Variants in ADAMTS18 observed in about 807,000 individuals in gnomAD.
The protein encoded by ADAMTS18 is A disintegrin and metalloproteinase with thrombospondin motifs 18.
A neutral mutation model predicts 165.9 loss-of-function variants in ADAMTS18; 157 were observed. The observed-to-expected ratio is 0.95, with a 90% confidence interval of 0.83 to 1.08. ADAMTS18 has a LOEUF of 1.08. Ranked by LOEUF, ADAMTS18 falls within the 50% of genes least tolerant of loss-of-function variation. ADAMTS18 has a pLI of 0.00. For synonymous variants in ADAMTS18, 782 were observed against 578.2 expected, an observed-to-expected ratio of 1.35 and a Z score of -5.06; for missense variants, 2,040 against 1,534.0, an observed-to-expected ratio of 1.33 and a Z score of -5.51.
chr16:77,402,460 G>A lies in ADAMTS18; in HGVS notation c.495+28835C>T, dbSNP rs548944127. ...ATAGAGAGGGCTTTTCCAGGCTCCT[G>A]CAAATCCCTGGGTGGGGCCTGGAGC... On this transcript the variant is annotated intron_variant, in intron 3 of 22. Coordinates refer to ENST00000282849, the MANE Select transcript of ADAMTS18 (RefSeq NM_199355.4). 5.3e-5 allele frequency among the ~76,000 whole-genome samples: 8 copies of A among 152,250 alleles called. No homozygotes were observed. In the East Asian group the frequency reaches 1.4e-3, roughly 26 times the overall value.
chr16:77,431,645 G>C, intron 2 of ADAMTS18, 34 bp from the exon 3 acceptor site: 1 of 1,609,152 alleles, frequency 6.2e-7, no homozygotes. Flanking sequence ...TCAGCACCCA[G>C]AGCCCACAAT....
At chr16:77,313,078 A>G (rs1359066119) in intron 16 of ADAMTS18, among the ~76,000 whole-genome samples, 3 of 151,416 alleles carry the variant, frequency 2.0e-5, no homozygotes, top group Non-Finnish European at 4.4e-5. Context: ...GATTAAGAAA[A>G]TGTGGCACAT....
At chr16:77,320,971 T>C in intron 15 of ADAMTS18, 108 bp downstream of exon 15, 2 of 1,350,332 alleles carry the variant, frequency 1.5e-6, no homozygotes, top group Admixed American at 1.7e-5. Context: ...CCATCACTAG[T>C]GTGTCCAGTG....
At chr16:77,294,489 T>A (rs995713434) in intron 19 of ADAMTS18, among the ~76,000 whole-genome samples, 4 of 152,242 alleles carry the variant, frequency 2.6e-5, no homozygotes, top group South Asian at 2.1e-4. Context: ...ACTGGGAATT[T>A]GTGACCATAG....
At chr16:77,345,151 G>A (rs1392533894) in intron 10 of ADAMTS18, among the ~76,000 whole-genome samples, 1 of 152,140 alleles carries the variant, frequency 6.6e-6, no homozygotes, top group Non-Finnish European at 1.5e-5. Flanking sequence ...TCCTCCAGTT[G>A]TATTCTATAG....
chr16:77,299,974 G>A (rs1259825229), intron 17 of ADAMTS18: 2 of 245,716 alleles, frequency 8.1e-6, no homozygotes, highest in Non-Finnish European at 8.0e-6. Context: ...ATATAAATAT[G>A]CTTCTATTTG....
chr16:77,325,672 TAG>T (rs1491285430), intron 13 of ADAMTS18, among the ~76,000 whole-genome samples, 192 bp downstream of exon 13: 2 of 115,506 alleles, frequency 1.7e-5, no homozygotes, highest in South Asian at 2.9e-4. Context: ...AGGTATCTTA[TAG>T]GGGGAAAAAA....
chr16:77,294,453 T>A (rs149009337), intron 19 of ADAMTS18, among the ~76,000 whole-genome samples: 44 of 152,300 alleles, frequency 2.9e-4, no homozygotes, highest in African/African-American at 1.0e-3. Flanking sequence ...CTCTGTCCCT[T>A]CTAACTTTAA....
chr16:77,361,342 T>C (rs2056710275), intron 7 of ADAMTS18, among the ~76,000 whole-genome samples: 1 of 152,168 alleles, frequency 6.6e-6, no homozygotes, highest in Non-Finnish European at 1.5e-5. Flanking sequence ...TACTAGAATA[T>C]AGTATAGATA....
intron 3 of ADAMTS18, among the ~76,000 whole-genome samples, chr16:77,376,679 A>G (rs1341123877): frequency 6.6e-6 from 1 of 152,188 alleles, no homozygotes; most frequent in African/African-American, 2.4e-5. Context: ...TAAAAATTAA[A>G]TTGATTCTGA....
At chr16:77,284,203 G>T in intron 22 of ADAMTS18, 132 bp from the exon 23 acceptor site, 1 of 638,018 alleles carries the variant, frequency 1.6e-6, no homozygotes, top group Non-Finnish European at 2.8e-6. Context: ...TCCGCTCACT[G>T]CAATCTCTGC....
intron 19 of ADAMTS18, 99 bp from the exon 20 acceptor site, chr16:77,293,357 G>A: frequency 1.8e-6 from 2 of 1,091,752 alleles, no homozygotes; most frequent in Non-Finnish European, 2.7e-6. Flanking sequence ...GTGAAAGGTG[G>A]GATAAACTCC....
At chr16:77,318,908 T>A (rs2144634538) in intron 16 of ADAMTS18, among the ~76,000 whole-genome samples, 1 of 152,230 alleles carries the variant, frequency 6.6e-6, no homozygotes, top group East Asian at 1.9e-4. Flanking sequence ...CTGAAGCAAA[T>A]CGCTTGCTTG....
chr16:77,303,986 C>T (rs766982739), intron 16 of ADAMTS18, among the ~76,000 whole-genome samples: 13 of 152,092 alleles, frequency 8.5e-5, no homozygotes, highest in Non-Finnish European at 1.5e-4. Context: ...GCCGAGATCA[C>T]GCAACTGCCC....
intron 3 of ADAMTS18, among the ~76,000 whole-genome samples, chr16:77,426,586 G>T (rs1208971095): frequency 2.6e-5 from 4 of 152,322 alleles, no homozygotes; most frequent in East Asian, 1.9e-4. Context: ...AATAGCAGTT[G>T]CCAGGTCTAA....
intron 22 of ADAMTS18, among the ~76,000 whole-genome samples, chr16:77,285,283 C>A (rs1045260358): frequency 7.2e-5 from 11 of 152,182 alleles, no homozygotes; most frequent in African/African-American, 2.7e-4. Flanking sequence ...AATGGTTCTC[C>A]TGCGTAAGCC....
At chr16:77,337,923 G>A (rs1008073654) in intron 11 of ADAMTS18, among the ~76,000 whole-genome samples, 1 of 66,230 alleles carries the variant, frequency 1.5e-5, no homozygotes, top group Non-Finnish European at 3.2e-5. Flanking sequence ...TTTTTTTTTT[G>A]ACAAAGTTTC....
chr16:77,422,070 G>A (rs1254479586), intron 3 of ADAMTS18, among the ~76,000 whole-genome samples: 1 of 152,060 alleles, frequency 6.6e-6, no homozygotes, highest in East Asian at 1.9e-4. Context: ...GTTTCATGAA[G>A]AGTGTCCAGC....
At chr16:77,308,876 C>T (rs941113099) in intron 16 of ADAMTS18, among the ~76,000 whole-genome samples, 3 of 152,196 alleles carry the variant, frequency 2.0e-5, no homozygotes, top group African/African-American at 7.2e-5. Context: ...ACAACACACA[C>T]ACACTTAATT....
Sources: gnomAD v4.1 joint callset for allele counts (sites outside exome capture counted in the v4.1 genomes callset) on GRCh38, gnomAD v4.1.1 for gene constraint, MANE v1.5 for transcripts, NCBI Gene and HGNC (gene_info 2026-07-23, HGNC 2026-07-21) for gene names.